Variants in CCDC91 observed in about 807,000 individuals in gnomAD.
The protein encoded by CCDC91 is coiled-coil domain containing 91, also known as coiled-coil domain-containing protein 91.
Under a neutral mutation model 63.2 loss-of-function variants are expected in CCDC91, and 48 were observed. The observed-to-expected ratio is 0.76, with a 90% CI of 0.60 to 0.97. The LOEUF is 0.97. CCDC91 is among the 50% of genes least tolerant of loss of function. The pLI is 0.00. For missense variants in CCDC91, 500 were observed against 494.6 expected, an observed-to-expected ratio of 1.01 and a Z score of -0.10; for synonymous variants, 167 against 165.8, an observed-to-expected ratio of 1.01 and a Z score of -0.06.
intron 6 of CCDC91, among the ~76,000 whole-genome samples, chr12:28,337,484 A>T (rs1942073596): frequency 6.6e-6 from 1 of 151,150 alleles, no homozygotes; most frequent in South Asian, 2.1e-4. Context: ...AAATCATGTT[A>T]TTTCTGAATA....
At chr12:28,231,632 T>C (rs1944608184) in intron 1 of CCDC91, among the ~76,000 whole-genome samples, 1 of 152,094 alleles carries the variant, frequency 6.6e-6, no homozygotes. Flanking sequence ...GATTTTTAAC[T>C]GTACTTAAAT....
At chr12:28,363,889 A>C (rs1165681957) in intron 7 of CCDC91, among the ~76,000 whole-genome samples, 1 of 150,772 alleles carries the variant, frequency 6.6e-6, no homozygotes, top group Non-Finnish European at 1.5e-5. Flanking sequence ...AAAAAAAAAA[A>C]AAAAAAAAAG....
At chr12:28,359,683 G>A (rs554489183) in intron 6 of CCDC91, among the ~76,000 whole-genome samples, 19 of 152,188 alleles carry the variant, frequency 1.2e-4, no homozygotes, top group African/African-American at 4.6e-4. Flanking sequence ...GGTAACACTA[G>A]TGTATCTGAC....
intron 6 of CCDC91, among the ~76,000 whole-genome samples, chr12:28,344,134 TAAG>T (rs1205463032): frequency 1.3e-5 from 2 of 152,056 alleles, no homozygotes; most frequent in African/African-American, 4.8e-5. Flanking sequence ...ATACTTGTAA[TAAG>T]AAATCAAAGT....
At chr12:28,419,281 A>T (rs980174700) in intron 8 of CCDC91, among the ~76,000 whole-genome samples, 3 of 152,156 alleles carry the variant, frequency 2.0e-5, no homozygotes, top group Non-Finnish European at 2.9e-5. Context: ...ATCTCACTTT[A>T]TTCTACCACA....
chr12:28,356,984 T>A (rs1943568926), intron 6 of CCDC91, among the ~76,000 whole-genome samples: 1 of 152,170 alleles, frequency 6.6e-6, no homozygotes, highest in Non-Finnish European at 1.5e-5. Flanking sequence ...TAGCAGAGGA[T>A]CCTGTTGCTA....
chr12:28,421,700 C>T (rs1046544173), intron 8 of CCDC91, among the ~76,000 whole-genome samples: 3 of 151,948 alleles, frequency 2.0e-5, no homozygotes, highest in African/African-American at 7.3e-5. Flanking sequence ...GAAATTCCTC[C>T]TCAACACTGT....
chr12:28,529,606 TAATTGCCG>T lies in CCDC91; in HGVS notation c.1216-19454_1216-19447del, dbSNP rs1941568244. 2.0e-5 allele frequency among the ~76,000 whole-genome samples: 3 copies of T among 152,180 alleles called. No individual in the cohort carries two copies. In the South Asian group the frequency reaches 6.2e-4, roughly 32 times the overall value. On this transcript the variant is annotated intron_variant, in intron 12 of 12. Coordinates refer to ENST00000536442, the MANE Select transcript of CCDC91 (RefSeq NM_018318.5). ...GCATGCACTTGGTCCTCCTGTTTTCTAATTGCCGAAGAAGCGCTTTGAGATGGGGAACA... is the reference window on the plus strand; with the variant it reads ...GCATGCACTTGGTCCTCCTGTTTTCTAAGAAGCGCTTTGAGATGGGGAACA...
intron 1 of CCDC91, among the ~76,000 whole-genome samples, chr12:28,229,775 T>C (rs530856274): frequency 1.9e-4 from 28 of 144,244 alleles, no homozygotes; most frequent in African/African-American, 6.7e-4. Flanking sequence ...TTATTAATGA[T>C]GGGGACATAT....
At chr12:28,304,404 A>AAAAG (rs1938469871) in intron 3 of CCDC91, among the ~76,000 whole-genome samples, 1 of 55,230 alleles carries the variant, frequency 1.8e-5, no homozygotes, top group Non-Finnish European at 4.7e-5. Flanking sequence ...AAAAAAAAGA[A>AAAAG]AAAAAAAAAA....
In CCDC91 at chr12:28,304,403, A is replaced by AAAAAAAAAAAAAAAAAAAAAAAAAAAG. The variant is rs1938467190; in HGVS notation, c.110-1234_110-1233insAAAAAAAAAAAAAAGAAAAAAAAAAAA. Among the ~76,000 whole-genome samples, 72 of 64,500 alleles carry AAAAAAAAAAAAAAAAAAAAAAAAAAAG rather than the reference A, an allele frequency of 1.1e-3. 1 individual carries two copies. Among genetic ancestry groups the AAAAAAAAAAAAAAAAAAAAAAAAAAAG allele is most frequent in the Non-Finnish European group, 1.8e-3 (57 of 30,950 alleles). 42.3% of individuals were successfully genotyped at this position (64,500 alleles called of 152,430 possible). The stretch of plus-strand genomic sequence containing the variant: ...AAAAAAAAAAAAAAAAAAAAAAAAG[A>AAAAAAAAAAAAAAAAAAAAAAAAAAAG]AAAAAAAAAAAAGAAAAAAAGAAAT... On this transcript the variant is annotated intron_variant, in intron 3 of 12. Transcript: ENST00000536442.
At chr12:28,473,973 T>TG (rs1950952709) in intron 11 of CCDC91, among the ~76,000 whole-genome samples, 2 of 135,902 alleles carry the variant, frequency 1.5e-5, no homozygotes, top group Admixed American at 1.4e-4. Flanking sequence ...TGCATGTGTG[T>TG]TTGTGTGTGT....
intron 11 of CCDC91, among the ~76,000 whole-genome samples, chr12:28,478,520 C>T (rs529239382): frequency 2.4e-4 from 36 of 152,206 alleles, no homozygotes; most frequent in Admixed American, 7.2e-4. Context: ...TAGAAGAAAA[C>T]CTAGGCAATA....
At chr12:28,493,123 T>C (rs1952098773) in intron 12 of CCDC91, among the ~76,000 whole-genome samples, 1 of 151,708 alleles carries the variant, frequency 6.6e-6, no homozygotes, top group Admixed American at 6.6e-5. Flanking sequence ...TTATATTTAC[T>C]GTCTCAATCC....
intron 1 of CCDC91, among the ~76,000 whole-genome samples, chr12:28,204,303 G>T (rs867701349): frequency 4.6e-5 from 7 of 152,144 alleles, no homozygotes; most frequent in Middle Eastern, 3.4e-3. Flanking sequence ...TCACTTTTCT[G>T]CATGAGGAAG....
intron 8 of CCDC91, among the ~76,000 whole-genome samples, chr12:28,430,528 A>G (rs1948573082): frequency 1.3e-5 from 2 of 152,288 alleles, no homozygotes; most frequent in Non-Finnish European, 1.5e-5. Context: ...TACTGTATAT[A>G]TTAGAATAAA....
At chr12:28,267,791 TATATA>T (rs1947336817) in intron 3 of CCDC91, among the ~76,000 whole-genome samples, 1 of 36,974 alleles carries the variant, frequency 2.7e-5, no homozygotes, top group Non-Finnish European at 5.5e-5. Context: ...TATATAATTA[TATATA>T]ATTATATAGT....
chr12:28,429,028 A>G (rs1242407892), intron 8 of CCDC91, among the ~76,000 whole-genome samples: 1 of 152,110 alleles, frequency 6.6e-6, no homozygotes, highest in Non-Finnish European at 1.5e-5. Context: ...TGGTCTGTGT[A>G]AATCTTAGCC....
intron 6 of CCDC91, among the ~76,000 whole-genome samples, chr12:28,309,039 A>G (rs1407723353): frequency 6.6e-6 from 1 of 152,042 alleles, no homozygotes; most frequent in Non-Finnish European, 1.5e-5. Flanking sequence ...GGTATAGGTG[A>G]ATGTGTGAGT....
Sources: gnomAD v4.1 joint callset for allele counts (sites outside exome capture counted in the v4.1 genomes callset) on GRCh38, gnomAD v4.1.1 for gene constraint, MANE v1.5 for transcripts, NCBI Gene and HGNC (gene_info 2026-07-23, HGNC 2026-07-21) for gene names.